The following PDE2A variants were observed in gnomAD, a reference collection of about 807,000 sequenced individuals.
The protein encoded by PDE2A is cGMP-dependent 3',5'-cyclic phosphodiesterase.
Under a neutral mutation model 133.6 loss-of-function variants are expected in PDE2A, and 53 were observed. That is an observed-to-expected ratio of 0.40 (90% CI 0.32 to 0.50). The LOEUF (loss-of-function observed/expected upper bound fraction) is 0.50, where lower values mean the gene tolerates loss of function less well. Among genes scored for constraint, PDE2A ranks in the 20% least tolerant of loss-of-function variants. The probability of loss-of-function intolerance (pLI) is 0.73; values close to 1 mark genes in which losing one functional copy is unlikely to be tolerated. For synonymous variants in PDE2A, 491 were observed against 490.2 expected (o/e 1.00, Z -0.02); for missense variants, 796 against 1,232.4 (o/e 0.65, Z 5.30).
Position 72,578,256 on chromosome 11 carries a change from C to T in PDE2A, c.2592G>A (p.Glu864=), listed in dbSNP as rs757153350. 6.2e-7 allele frequency: 1 copy of T among 1,610,610 alleles called. No individual in the cohort carries two copies. The highest frequency in any genetic ancestry group is 1.1e-5 in the South Asian group (1 of 91,012). The change falls in exon 30 of 31, where the codon GAG becomes GAA. Residue 864 remains glutamate, a synonymous_variant. Transcript: ENST00000334456. The surrounding 1 kb of genome is among the most constrained non-coding windows in gnomAD (Gnocchi z 4.2). ...ACTTGTAGATGGGCATTGCAATGTG[C>T]TCCATGAAGCTGATTTGCAGCTCAG... ...YIPELQISFM[E]HIAMPIYKLL...
At chr11:72,624,631 G>T (rs1057274180) in intron 2 of PDE2A, among the ~76,000 whole-genome samples, 1 of 152,218 alleles carries the variant, frequency 6.6e-6, no homozygotes, top group Non-Finnish European at 1.5e-5. Context: ...TTCTGTATTT[G>T]ATTCTCATGG....
Position 72,591,302 on chromosome 11 carries a change from T to C in PDE2A, c.544A>G (p.Lys182Glu). The change falls in exon 7 of 31, where the codon AAG becomes GAG. Residue 182 changes from lysine to glutamate, a missense_variant. Transcript: ENST00000334456. ...ATGGCCCCACTCCCACTCACATGCT[T>C]CTCCACCGCCTGCAGGCTCCATTCC... Reference protein sequence around the residue: ...NEEWSLQAVEKHTLVALRRVQ... With the variant: ...NEEWSLQAVEEHTLVALRRVQ... The C allele has an allele frequency of 6.2e-7, 1 of 1,613,480 alleles. No individual in the cohort carries two copies. Among genetic ancestry groups the C allele is most frequent in the Non-Finnish European group, 8.5e-7 (1 of 1,179,460 alleles).
At chr11:72,662,397 C>G (rs1445962159) in intron 1 of PDE2A, among the ~76,000 whole-genome samples, 1 of 152,172 alleles carries the variant, frequency 6.6e-6, no homozygotes, top group African/African-American at 2.4e-5. Flanking sequence ...GGCCCAGGCT[C>G]TGGACAGCAA....
In PDE2A at chr11:72,584,537, G is replaced by A; in HGVS notation, c.1537+14C>T. 1 of 1,587,508 alleles carries A rather than the reference G, an allele frequency of 6.3e-7. No homozygotes were observed. The highest frequency in any genetic ancestry group is 8.6e-7 in the Non-Finnish European group (1 of 1,167,674). On this transcript the variant is annotated intron_variant, in intron 18 of 30. Coordinates refer to ENST00000334456, the MANE Select transcript of PDE2A (RefSeq NM_002599.5). The stretch of plus-strand genomic sequence containing the variant: ...GCGCAGGCCCCGCCCCTCCGCCCGG[G>A]CCGCCACGCGCACCCTGGTTCTCGT...
chr11:72,595,416 C>T (rs968067941), intron 6 of PDE2A, among the ~76,000 whole-genome samples: 2 of 151,960 alleles, frequency 1.3e-5, no homozygotes, highest in African/African-American at 2.4e-5. Flanking sequence ...TTCCAGAAAC[C>T]GGGGGTGGGG....
intron 2 of PDE2A, among the ~76,000 whole-genome samples, chr11:72,628,399 C>T (rs376526760): frequency 6.6e-6 from 1 of 150,970 alleles, no homozygotes; most frequent in Admixed American, 6.6e-5. Flanking sequence ...GGCGCGATCT[C>T]GGCTCACTGC....
rs773302201 is a variant in PDE2A at position 72,579,018 on chromosome 11, G to A, written c.2357-9C>T. 21 of 1,584,134 alleles carry A rather than the reference G, an allele frequency of 1.3e-5. No homozygotes were observed. In the South Asian group the frequency reaches 2.1e-4, roughly 16 times the overall value. On this transcript the variant is annotated splice_polypyrimidine_tract_variant and intron_variant, in intron 27 of 30. Transcript: ENST00000334456. ...GTTTCGGTCGTAGCCCACTGTTGAGGGGAGGATGGGGTCAAGGAGCGGGGC... is the reference window on the plus strand; with the variant it reads ...GTTTCGGTCGTAGCCCACTGTTGAGAGGAGGATGGGGTCAAGGAGCGGGGC...
At chr11:72,673,486 C>T (rs73529635) in intron 1 of PDE2A, among the ~76,000 whole-genome samples, 12,420 of 152,088 alleles carry the variant, frequency 0.082, 555 homozygotes, top group East Asian at 0.12. Flanking sequence ...CACTCACTTG[C>T]ACATGCACCC....
rs1209958062 is a variant in PDE2A, at chr11:72,577,288, G to A, written c.*96C>T. The A allele has an allele frequency of 1.1e-6, 1 of 880,852 alleles. No homozygotes were observed. Among genetic ancestry groups the A allele is most frequent in the East Asian group, 2.5e-5 (1 of 39,844 alleles). The allele number at this position is 880,852 out of a possible 1,614,324, so 54.6% of individuals were successfully genotyped here. On this transcript the variant is annotated 3_prime_UTR_variant, in exon 31 of 31. Coordinates refer to ENST00000334456, the MANE Select transcript of PDE2A (RefSeq NM_002599.5). ...GGGTCACACAGGAAGTCCTGGTCTA[G>A]GACCCAGGACCCGTGGCTCTGTTCC... is the stretch of plus-strand genomic sequence containing the variant.
intron 4 of PDE2A, among the ~76,000 whole-genome samples, chr11:72,599,574 C>T (rs1385149444): frequency 6.6e-6 from 1 of 152,182 alleles, no homozygotes; most frequent in Non-Finnish European, 1.5e-5. Context: ...AGCCACTGCC[C>T]AGCTCACATG....
At chr11:72,650,312 C>T (rs1438020747) in intron 1 of PDE2A, among the ~76,000 whole-genome samples, 7 of 133,124 alleles carry the variant, frequency 5.3e-5, no homozygotes, top group Admixed American at 1.5e-4. Context: ...CGTGAGCCAC[C>T]GCGTGTAGCC....
intron 4 of PDE2A, chr11:72,599,055 C>A: frequency 1.0e-6 from 1 of 984,916 alleles, no homozygotes; most frequent in South Asian, 4.7e-5. Context: ...CTGGCCAAAC[C>A]CTGCCCAGCT....
chr11:72,649,650 CT>C (rs1854670957), intron 1 of PDE2A, among the ~76,000 whole-genome samples: 2 of 152,202 alleles, frequency 1.3e-5, no homozygotes, highest in African/African-American at 4.8e-5. Flanking sequence ...ATCTGAACCC[CT>C]TTCTGGAGTC....
chr11:72,579,820 A>G, intron 25 of PDE2A: 1 of 550,066 alleles, frequency 1.8e-6, no homozygotes, highest in Non-Finnish European at 3.2e-6. Context: ...TCTGAGCCTC[A>G]GACTCCTCAG....
intron 1 of PDE2A, among the ~76,000 whole-genome samples, chr11:72,665,130 G>A (rs773406197): frequency 1.8e-4 from 27 of 152,102 alleles, no homozygotes; most frequent in Non-Finnish European, 2.6e-4. Context: ...AGACAACTCC[G>A]AATTACCTGA....
Position 72,576,981 on chromosome 11 carries a change from T to A in PDE2A, c.*403A>T, listed in dbSNP as rs893363512. On this transcript the variant is annotated 3_prime_UTR_variant, in exon 31 of 31. Transcript: ENST00000334456. ...TCAGATGTCTCACCTTCCCCTTCCA[T>A]GAGGATCCTGGAGACCCCAAAGGGT... 5.1e-6 allele frequency: 1 copy of A among 195,306 alleles called. No homozygotes were observed. The highest frequency in any genetic ancestry group is 2.3e-5 in the African/African-American group (1 of 42,978). 12.1% of individuals were successfully genotyped at this position (195,306 alleles called of 1,614,324 possible). A position where few individuals can be genotyped will look rare whatever the true frequency, so the allele number is the denominator to read the frequency against.
At chr11:72,620,358 T>G (rs1857697301) in intron 2 of PDE2A, among the ~76,000 whole-genome samples, 1 of 152,156 alleles carries the variant, frequency 6.6e-6, no homozygotes, top group African/African-American at 2.4e-5. Flanking sequence ...CAAGGGGGAC[T>G]GACCAGAGCT....
At chr11:72,582,421 T>C in intron 21 of PDE2A, 23 bp downstream of exon 21, 6 of 1,611,280 alleles carry the variant, frequency 3.7e-6, no homozygotes, top group Non-Finnish European at 5.1e-6. Flanking sequence ...GCCTGGCCAG[T>C]CAAGTGGAGG....
At chr11:72,642,433 G>C in intron 1 of PDE2A, 107 bp from the exon 2 acceptor site, 1 of 1,209,454 alleles carries the variant, frequency 8.3e-7, no homozygotes, top group South Asian at 3.5e-5. Context: ...CAGCGCGTCC[G>C]CGACAGCTTC....
Sources: gnomAD v4.1 joint callset for allele counts (sites outside exome capture counted in the v4.1 genomes callset) on GRCh38, gnomAD v4.1.1 for gene constraint, Gnocchi (gnomAD v3.1) non-coding constraint, MANE v1.5 for transcripts, NCBI Gene and HGNC (gene_info 2026-07-23, HGNC 2026-07-21) for gene names.